Variants in CDH12 observed in about 807,000 individuals in gnomAD.
The protein encoded by CDH12 is cadherin 12.
A neutral mutation model predicts 74.1 loss-of-function variants in CDH12; 41 were observed. That is an observed-to-expected ratio of 0.55 (90% CI 0.43 to 0.72). The LOEUF (loss-of-function observed/expected upper bound fraction) is 0.72. Ranked by LOEUF, CDH12 falls within the 30% of genes least tolerant of loss-of-function variation. The pLI is 0.00. For synonymous variants in CDH12, 399 were observed against 355.0 expected, an observed-to-expected ratio of 1.12 and a Z score of -1.39; for missense variants, 945 against 977.2, an observed-to-expected ratio of 0.97 and a Z score of 0.44.
At chr5:21,763,113 C>A (rs1179744259) in intron 12 of CDH12, among the ~76,000 whole-genome samples, 1 of 152,088 alleles carries the variant, frequency 6.6e-6, no homozygotes, top group African/African-American at 2.4e-5. Flanking sequence ...CTGTGCCGAT[C>A]CAAAATTAAC....
At chr5:21,890,982 C>T (rs567302214) in intron 6 of CDH12, among the ~76,000 whole-genome samples, 7 of 152,012 alleles carry the variant, frequency 4.6e-5, no homozygotes, top group Non-Finnish European at 1.0e-4. Flanking sequence ...ATATAAACCC[C>T]ATTACGTCTT....
chr5:21,802,291 C>A lies in CDH12; in HGVS notation c.1132G>T (p.Val378Leu), dbSNP rs546440934. The A allele has an allele frequency of 1.2e-6, 2 of 1,613,856 alleles. No individual in the cohort carries two copies. The highest frequency in any genetic ancestry group is 1.3e-5 in the African/African-American group (1 of 75,022). The change falls in exon 10 of 15, where the codon GTA (valine) becomes TTA (leucine). Residue 378 changes from valine (V) to leucine (L), a missense_variant. Val to Leu is a conservative substitution (Grantham distance 32). Around this residue, in one of 3 missense-constraint regions of CDH12, gnomAD observed 791 missense variants for 792.8 expected, o/e 1.00. Transcript: ENST00000382254. Reference sequence around the variant, plus strand: ...TTGCTGAAAACCGGTGGCTCATCTACGTCCAGCACGCTGATCTTCACCGTA... The same window carrying A: ...TTGCTGAAAACCGGTGGCTCATCTAAGTCCAGCACGCTGATCTTCACCGTA... ...TATVKISVLD[V>L]DEPPVFSKPL...
chr5:22,058,007 A>T (rs1386787600), intron 5 of CDH12, among the ~76,000 whole-genome samples: 1 of 129,772 alleles, frequency 7.7e-6, no homozygotes, highest in African/African-American at 3.3e-5. Flanking sequence ...TATTCTATCT[A>T]TCTATCTATC....
intron 3 of CDH12, among the ~76,000 whole-genome samples, chr5:22,305,281 G>T (rs1051937081): frequency 6.6e-6 from 1 of 152,066 alleles, no homozygotes; most frequent in Non-Finnish European, 1.5e-5. Flanking sequence ...TGAATACATT[G>T]CTTTTTAACA....
In CDH12 at chr5:22,400,442, G is replaced by T. The variant is rs906395502; in HGVS notation, c.-333+4815C>A. Among the ~76,000 whole-genome samples, 4 of 151,736 alleles carry T rather than the reference G, an allele frequency of 2.6e-5. No individual in the cohort carries two copies. The East Asian group carries it at 7.7e-4, about 29-fold the overall frequency. On this transcript the variant is annotated intron_variant, in intron 3 of 14. Transcript: ENST00000382254. Reference sequence around the variant, plus strand: ...TATAGAATAGAAAAATGAATACTGTGCTTGCAGAGATTTTTTTTTAATGTT... The same window carrying T: ...TATAGAATAGAAAAATGAATACTGTTCTTGCAGAGATTTTTTTTTAATGTT...
At chr5:22,577,971 G>T (rs1739876286) in intron 1 of CDH12, among the ~76,000 whole-genome samples, 1 of 152,096 alleles carries the variant, frequency 6.6e-6, no homozygotes, top group Admixed American at 6.6e-5. Context: ...ATATGTTCAG[G>T]CATCACCAGA....
At chr5:21,912,527 G>A (rs1038119235) in intron 6 of CDH12, among the ~76,000 whole-genome samples, 12 of 152,226 alleles carry the variant, frequency 7.9e-5, no homozygotes, top group South Asian at 2.1e-4. Flanking sequence ...GTTTGCCCAA[G>A]GGTGATCCAA....
At chr5:22,503,334 A>G (rs1055740057) in intron 2 of CDH12, among the ~76,000 whole-genome samples, 1 of 152,130 alleles carries the variant, frequency 6.6e-6, no homozygotes, top group Non-Finnish European at 1.5e-5. Context: ...TGGTAACATC[A>G]TAAACAGGCT....
chr5:22,708,589 A>T (rs1743139028), intron 1 of CDH12, among the ~76,000 whole-genome samples: 1 of 152,124 alleles, frequency 6.6e-6, no homozygotes, highest in South Asian at 2.1e-4. Flanking sequence ...CAATTTTCAA[A>T]CAAGTGTAGT....
intron 6 of CDH12, among the ~76,000 whole-genome samples, chr5:21,951,380 A>G (rs548325091): frequency 1.3e-5 from 2 of 152,224 alleles, no homozygotes; most frequent in East Asian, 3.9e-4. Context: ...GTGCCACCAC[A>G]TACGGCTAAT....
At chr5:22,559,173 G>C (rs1738935619) in intron 1 of CDH12, among the ~76,000 whole-genome samples, 1 of 151,962 alleles carries the variant, frequency 6.6e-6, no homozygotes, top group Non-Finnish European at 1.5e-5. Flanking sequence ...ACTGGGCAGA[G>C]AAGTAATTTA....
chr5:22,711,843 T>C (rs1046603141), intron 1 of CDH12, among the ~76,000 whole-genome samples: 5 of 152,100 alleles, frequency 3.3e-5, no homozygotes, highest in South Asian at 2.1e-4. Context: ...AACTTTGTTC[T>C]CTCTGAAAGG....
At chr5:22,589,998 A>G (rs1740621583) in intron 1 of CDH12, among the ~76,000 whole-genome samples, 1 of 152,236 alleles carries the variant, frequency 6.6e-6, no homozygotes, top group African/African-American at 2.4e-5. Context: ...AAGGCAGCAT[A>G]CTATGTAAGA....
intron 8 of CDH12, among the ~76,000 whole-genome samples, chr5:21,817,960 C>G (rs945212168): frequency 2.0e-5 from 3 of 151,732 alleles, no homozygotes; most frequent in African/African-American, 7.2e-5. Context: ...AAAATAAAAA[C>G]ATAGACATTA....
intron 6 of CDH12, among the ~76,000 whole-genome samples, chr5:21,885,014 T>C (rs1290634456): frequency 6.6e-6 from 1 of 151,902 alleles, no homozygotes; most frequent in African/African-American, 2.4e-5. Context: ...GCCTCCCGAG[T>C]TAGCTGGGAT....
At position 21,951,008 on chromosome 5, in the gene CDH12, C is replaced by T. The variant is rs560965268; in HGVS notation, c.526+24083G>A. 3.6e-4 allele frequency among the ~76,000 whole-genome samples: 55 copies of T among 151,670 alleles called. 1 individual carries two copies. The South Asian group carries it at 0.01, about 29-fold the overall frequency. On this transcript the variant is annotated intron_variant, in intron 6 of 14. Coordinates refer to ENST00000382254, the MANE Select transcript of CDH12 (RefSeq NM_004061.5). The stretch of plus-strand genomic sequence containing the variant: ...TTCACCGTGTTAGCTAGGATGGTCT[C>T]GATCTCCTGACCTTGTGATCTGCCA...
At chr5:22,187,681 A>C (rs1323874181) in intron 4 of CDH12, among the ~76,000 whole-genome samples, 1 of 150,628 alleles carries the variant, frequency 6.6e-6, no homozygotes, top group African/African-American at 2.4e-5. Context: ...AAGAAAGAAA[A>C]AACTACATTT....
At chr5:22,614,133 T>C (rs1205551352) in intron 1 of CDH12, among the ~76,000 whole-genome samples, 2 of 152,236 alleles carry the variant, frequency 1.3e-5, no homozygotes, top group South Asian at 4.1e-4. Context: ...ACGCTCTTAG[T>C]AGACATGGAA....
chr5:22,207,540 T>C (rs920484772), intron 4 of CDH12, among the ~76,000 whole-genome samples: 3 of 152,210 alleles, frequency 2.0e-5, no homozygotes, highest in African/African-American at 4.8e-5. Context: ...CCAAGTTAGA[T>C]TGTTGACTAC....
Sources: gnomAD v4.1 joint callset for allele counts (sites outside exome capture counted in the v4.1 genomes callset) on GRCh38, gnomAD v4.1.1 for gene constraint, gnomAD v4.1.1 regional missense constraint, MANE v1.5 for transcripts, NCBI Gene and HGNC (gene_info 2026-07-23, HGNC 2026-07-21) for gene names.